The following CNTN4 variants were observed in gnomAD, a reference collection of about 807,000 sequenced individuals.
CNTN4 encodes contactin-4.
CNTN4 carries 77 observed loss-of-function variants against 122.5 expected under a neutral mutation model. That is an observed-to-expected ratio of 0.63 (90% CI 0.52 to 0.76). The LOEUF (loss-of-function observed/expected upper bound fraction) is 0.76, where lower values mean the gene tolerates loss of function less well. Among genes scored for constraint, CNTN4 ranks in the 30% least tolerant of loss-of-function variants. The pLI is 0.00. For synonymous variants in CNTN4, 512 were observed against 447.0 expected (o/e 1.15, Z -1.83); for missense variants, 1,256 against 1,259.1 (o/e 1.00, Z 0.04).
chr3:2,168,348 C>G (rs1314780809), intron 2 of CNTN4, among the ~76,000 whole-genome samples: 1 of 151,992 alleles, frequency 6.6e-6, no homozygotes, highest in Non-Finnish European at 1.5e-5. Context: ...TAAAATTAAA[C>G]TTGTGAATGG....
At chr3:2,369,077 C>A (rs2045529530) in intron 3 of CNTN4, among the ~76,000 whole-genome samples, 1 of 152,118 alleles carries the variant, frequency 6.6e-6, no homozygotes, top group African/African-American at 2.4e-5. Context: ...GCACCTGCCA[C>A]CATGCCCGGC....
At chr3:2,576,043 G>C (rs908947071) in intron 4 of CNTN4, among the ~76,000 whole-genome samples, 1 of 151,928 alleles carries the variant, frequency 6.6e-6, no homozygotes, top group African/African-American at 2.4e-5. Flanking sequence ...CACCATGTTA[G>C]CCAGGATGGT....
At chr3:2,500,979 T>C (rs1017650769) in intron 3 of CNTN4, among the ~76,000 whole-genome samples, 4 of 152,200 alleles carry the variant, frequency 2.6e-5, no homozygotes, top group African/African-American at 9.7e-5. Flanking sequence ...TACTCTCTGC[T>C]CTTAGATTTT....
intron 2 of CNTN4, among the ~76,000 whole-genome samples, chr3:2,264,540 C>T (rs565812996): frequency 6.6e-6 from 1 of 152,174 alleles, no homozygotes; most frequent in African/African-American, 2.4e-5. Flanking sequence ...GGAAAGTTTG[C>T]AAATATTTTC....
chr3:2,917,806 G>T (rs548496524), intron 12 of CNTN4, among the ~76,000 whole-genome samples: 1 of 152,138 alleles, frequency 6.6e-6, no homozygotes, highest in Non-Finnish European at 1.5e-5. Context: ...GGACTGTTCT[G>T]TTGGTATAAT....
At chr3:2,162,418 T>C (rs980792867) in intron 2 of CNTN4, among the ~76,000 whole-genome samples, 4 of 152,232 alleles carry the variant, frequency 2.6e-5, no homozygotes, top group African/African-American at 9.6e-5. Context: ...GGTTTTGTTT[T>C]GTTTTAGTTT....
chr3:2,673,925 G>T (rs2084684719), intron 4 of CNTN4, among the ~76,000 whole-genome samples: 1 of 152,132 alleles, frequency 6.6e-6, no homozygotes, highest in African/African-American at 2.4e-5. Flanking sequence ...CAGGAGGCCA[G>T]TCTTGCCTAC....
intron 2 of CNTN4, among the ~76,000 whole-genome samples, chr3:2,142,235 G>T (rs1325095188): frequency 6.6e-6 from 1 of 152,100 alleles, no homozygotes; most frequent in Non-Finnish European, 1.5e-5. Context: ...CATATGACTG[G>T]CACAAATGAT....
intron 14 of CNTN4, among the ~76,000 whole-genome samples, chr3:3,013,601 C>T (rs748440760): frequency 4.6e-5 from 7 of 151,954 alleles, no homozygotes; most frequent in Non-Finnish European, 7.4e-5. Flanking sequence ...AAGTGCCCTC[C>T]GGGATTGTAA....
At chr3:2,960,427 T>C (rs1423609106) in intron 13 of CNTN4, among the ~76,000 whole-genome samples, 1 of 152,204 alleles carries the variant, frequency 6.6e-6, no homozygotes, top group Non-Finnish European at 1.5e-5. Flanking sequence ...GTTAATATAC[T>C]GTCTCTCTCA....
At chr3:2,480,706 A>T (rs1575729256) in intron 3 of CNTN4, among the ~76,000 whole-genome samples, 1 of 152,244 alleles carries the variant, frequency 6.6e-6, no homozygotes, top group East Asian at 1.9e-4. Context: ...GATTCGATGC[A>T]GTCCCAATCA....
intron 2 of CNTN4, among the ~76,000 whole-genome samples, chr3:2,330,413 T>C (rs1308750342): frequency 6.6e-6 from 1 of 152,074 alleles, no homozygotes; most frequent in East Asian, 1.9e-4. Flanking sequence ...CAGCCCCTCT[T>C]CCCTCCTGAG....
At chr3:2,754,476 T>A (rs2090237505) in intron 6 of CNTN4, among the ~76,000 whole-genome samples, 1 of 152,140 alleles carries the variant, frequency 6.6e-6, no homozygotes, top group South Asian at 2.1e-4. Context: ...AGCAAATGGG[T>A]GATATCTATG....
intron 2 of CNTN4, among the ~76,000 whole-genome samples, chr3:2,215,174 T>G (rs1260048232): frequency 1.3e-5 from 2 of 152,242 alleles, no homozygotes; most frequent in African/African-American, 4.8e-5. Context: ...GAGTTTATAC[T>G]TTTGTTACAA....
chr3:2,951,314 G>C (rs2094741113), intron 13 of CNTN4, among the ~76,000 whole-genome samples: 1 of 152,180 alleles, frequency 6.6e-6, no homozygotes, highest in Non-Finnish European at 1.5e-5. Flanking sequence ...TCAGGCATTA[G>C]ATTCTCATAA....
intron 4 of CNTN4, among the ~76,000 whole-genome samples, chr3:2,707,761 A>G (rs116742512): frequency 6.6e-6 from 1 of 151,924 alleles, no homozygotes; most frequent in Non-Finnish European, 1.5e-5. Flanking sequence ...CTCCCCCTTT[A>G]GCCTCCCTAA....
chr3:2,493,343 C>A (rs2076368562), intron 3 of CNTN4, among the ~76,000 whole-genome samples: 1 of 151,882 alleles, frequency 6.6e-6, no homozygotes, highest in African/African-American at 2.4e-5. Flanking sequence ...TCAGAAAATG[C>A]CATTCCTCCG....
rs114698350 is a variant in CNTN4, at chr3:2,532,931, C to T, written c.-88-38485C>T. On this transcript the variant is annotated intron_variant, in intron 3 of 24. Transcript: ENST00000418658. Reference sequence around the variant, plus strand: ...AAACACTGTAGAACTCATAGCCTTACGAGTTTACTGGGGCTGCTAACAGAG... The same window carrying T: ...AAACACTGTAGAACTCATAGCCTTATGAGTTTACTGGGGCTGCTAACAGAG... 4.0e-3 allele frequency among the ~76,000 whole-genome samples: 607 copies of T among 152,114 alleles called. 5 individuals are homozygous for T. The highest frequency in any genetic ancestry group is 0.014 in the African/African-American group (576 of 41,514).
chr3:2,629,972 T>C (rs1320926477), intron 4 of CNTN4, among the ~76,000 whole-genome samples: 1 of 152,224 alleles, frequency 6.6e-6, no homozygotes, highest in East Asian at 1.9e-4. Context: ...TCTCTTTACC[T>C]GGAGCCAGAA....
Sources: allele counts gnomAD v4.1 joint callset (sites outside exome capture counted in the v4.1 genomes callset), GRCh38; gene constraint gnomAD v4.1.1; transcripts MANE v1.5; gene names NCBI Gene and HGNC (gene_info 2026-07-23, HGNC 2026-07-21).